The following RAB11FIP3 variants were observed in gnomAD, a reference collection of about 807,000 sequenced individuals.
The protein encoded by RAB11FIP3 is rab11 family-interacting protein 3.
Under a neutral mutation model 77.8 loss-of-function variants are expected in RAB11FIP3, and 17 were observed. That is an observed-to-expected ratio of 0.22 (90% confidence interval 0.15 to 0.33). The LOEUF is 0.33. Ranked by LOEUF, RAB11FIP3 falls within the 10% of genes least tolerant of loss-of-function variation. The probability of loss-of-function intolerance (pLI) is 1.00; values close to 1 mark genes in which losing one functional copy is unlikely to be tolerated. For synonymous variants in RAB11FIP3, 437 were observed against 448.2 expected (o/e 0.98, Z 0.31); for missense variants, 1,005 against 1,011.2 (o/e 0.99, Z 0.08).
Position 520,876 on chromosome 16 carries a change from C to T in RAB11FIP3, c.*37C>T. On this transcript the variant is annotated 3_prime_UTR_variant, in exon 14 of 14. Transcript: ENST00000262305. ...TCCAGCCTGAGCTGGATTCGGGACT[C>T]CAACACCCTGGAGTGGTTCCGTCAG... 6.4e-7 allele frequency: 1 copy of T among 1,553,080 alleles called. No individual in the cohort carries two copies. The highest frequency in any genetic ancestry group is 8.9e-7 in the Non-Finnish European group (1 of 1,125,518).
intron 2 of RAB11FIP3, among the ~76,000 whole-genome samples, chr16:462,090 C>A (rs2141652284): frequency 6.6e-6 from 1 of 152,376 alleles, no homozygotes; most frequent in East Asian, 1.9e-4. Flanking sequence ...AGTCCTGTGC[C>A]TGGCAGTGCG....
rs368992105 is a variant in RAB11FIP3, at chr16:451,841, A to C, written c.715-9563A>C. On this transcript the variant is annotated intron_variant, in intron 1 of 13. Transcript: ENST00000262305. Reference sequence around the variant, plus strand: ...CAGAGCAAGACTCTCTCTCAAAAACAAACAAAGGAAAAAAACAAACAAAAA... The same window carrying C: ...CAGAGCAAGACTCTCTCTCAAAAACCAACAAAGGAAAAAAACAAACAAAAA... 7.7e-4 allele frequency among the ~76,000 whole-genome samples: 116 copies of C among 151,074 alleles called. 2 individuals carry two copies. The South Asian group carries it at 0.023, about 30-fold the overall frequency.
At chr16:489,986 C>T (rs1026523467) in intron 5 of RAB11FIP3, among the ~76,000 whole-genome samples, 3 of 152,210 alleles carry the variant, frequency 2.0e-5, no homozygotes. Context: ...GCACTTTCCT[C>T]TCCCAGCGCG....
At chr16:502,973 T>A in intron 6 of RAB11FIP3, 31 bp from the exon 7 acceptor site, 1 of 1,543,550 alleles carries the variant, frequency 6.5e-7, no homozygotes, top group Non-Finnish European at 9.0e-7. Flanking sequence ...TTTTTCCCTT[T>A]CTTCCCTCTG....
Position 514,410 on chromosome 16 carries a change from G to C in RAB11FIP3, c.1640+3610G>C, listed in dbSNP as rs991605286. ...AGAGGATCTGGAGGCAGGACTCCCA[G>C]CACCTGCGTCGGAACCTCCTGGGAA... On this transcript the variant is annotated intron_variant, in intron 9 of 13. Transcript: ENST00000262305. The surrounding 1 kb of genome is among the most constrained non-coding windows in gnomAD (Gnocchi z 4.6). Among the ~76,000 whole-genome samples, 1 of 152,226 alleles carries C rather than the reference G, an allele frequency of 6.6e-6. No homozygotes were observed. Among genetic ancestry groups the C allele is most frequent in the African/African-American group, 2.4e-5 (1 of 41,452 alleles).
chr16:461,358 C>G lies in RAB11FIP3; in HGVS notation c.715-46C>G. The G allele has an allele frequency of 1.3e-6, 2 of 1,529,664 alleles. No individual in the cohort carries two copies. Among genetic ancestry groups the G allele is most frequent in the Non-Finnish European group, 1.8e-6 (2 of 1,113,470 alleles). The allele number at this position is 1,529,664 out of a possible 1,614,324, so 94.8% of individuals were successfully genotyped here. On this transcript the variant is annotated intron_variant, in intron 1 of 13. Coordinates refer to ENST00000262305, the MANE Select transcript of RAB11FIP3 (RefSeq NM_014700.4). The surrounding 1 kb of genome is among the most constrained non-coding windows in gnomAD (Gnocchi z 4.5). ...GTCCGAGGTCCAGGGTTGGGGACCC[C>G]TGCTGTAAAGGCTTAGGGTAACCTA...
chr16:491,048 C>A, intron 5 of RAB11FIP3: 1 of 1,171,300 alleles, frequency 8.5e-7, no homozygotes, highest in Non-Finnish European at 1.1e-6. Context: ...CATGTCCTGT[C>A]CTGTTCCCCT....
At chr16:439,936 T>G (rs1221356657) in intron 1 of RAB11FIP3, among the ~76,000 whole-genome samples, 3 of 151,838 alleles carry the variant, frequency 2.0e-5, no homozygotes, top group Non-Finnish European at 4.4e-5. Context: ...CTCTGCCTCC[T>G]GGTTTCAAGC....
intron 10 of RAB11FIP3, chr16:519,243 T>C (rs756038582): frequency 1.8e-6 from 1 of 565,062 alleles, no homozygotes; most frequent in Non-Finnish European, 3.1e-6. Context: ...CCCAGGGCTC[T>C]GAATCTGGGA....
chr16:508,591 G>A (rs1054273891), intron 8 of RAB11FIP3, among the ~76,000 whole-genome samples: 1 of 152,062 alleles, frequency 6.6e-6, no homozygotes, highest in African/African-American at 2.4e-5. Context: ...CCAGGCCGGT[G>A]TTGAACTCCT....
At chr16:489,093 G>C (rs74390230) in intron 5 of RAB11FIP3, 93 bp downstream of exon 5, 675,238 of 1,404,480 alleles carry the variant, frequency 0.48, 168,668 homozygotes, top group Middle Eastern at 0.58. Flanking sequence ...ATTGGTGAGA[G>C]AACTTGCTTT....
chr16:468,271 TCAGGGAGGAGGTGCAGGGGC>T, intron 2 of RAB11FIP3, among the ~76,000 whole-genome samples: 1 of 138,146 alleles, frequency 7.2e-6, no homozygotes, highest in Non-Finnish European at 1.6e-5. Flanking sequence ...TGCAGGGAAG[TCAGGGAGGAGGTGCAGGGGC>T]GTCAGGGAGG....
At chr16:445,354 G>A (rs1388117516) in intron 1 of RAB11FIP3, among the ~76,000 whole-genome samples, 3 of 150,992 alleles carry the variant, frequency 2.0e-5, no homozygotes, top group Non-Finnish European at 4.4e-5. Context: ...CACGAGAATC[G>A]CTTGAACCCA....
intron 9 of RAB11FIP3, among the ~76,000 whole-genome samples, chr16:511,930 G>A (rs186969442): frequency 5.0e-3 from 556 of 111,106 alleles, no homozygotes; most frequent in African/African-American, 0.018. Context: ...GAAGTTCCCC[G>A]ACGGCCCGCC....
chr16:470,318 A>T (rs2055786448), intron 2 of RAB11FIP3, among the ~76,000 whole-genome samples: 1 of 151,984 alleles, frequency 6.6e-6, no homozygotes, highest in African/African-American at 2.4e-5. Context: ...ATTTTTGTGG[A>T]GATGGGGTTT....
At chr16:475,093 C>A (rs2055877882) in intron 3 of RAB11FIP3, 1 of 1,551,380 alleles carries the variant, frequency 6.4e-7, no homozygotes, top group Non-Finnish European at 8.7e-7. Context: ...GGGCCAGCAT[C>A]TGAGGGTAAG....
rs545124788 is a variant in RAB11FIP3 at position 487,557 on chromosome 16, C to T, written c.1116-1294C>T. ...CACAGTGGGTCCGGGCGGAGCAGAGCGCGCGGTCCTCCTGACTCTGCCCCC... is the reference window on the plus strand; with the variant it reads ...CACAGTGGGTCCGGGCGGAGCAGAGTGCGCGGTCCTCCTGACTCTGCCCCC... On this transcript the variant is annotated intron_variant, in intron 4 of 13. Transcript: ENST00000262305. Among the ~76,000 whole-genome samples the T allele has an allele frequency of 1.1e-4, 16 of 152,314 alleles. No homozygotes were observed. The South Asian group carries it at 1.7e-3, about 16-fold the overall frequency.
At chr16:484,492 C>T (rs1323331676) in intron 4 of RAB11FIP3, among the ~76,000 whole-genome samples, 1 of 152,172 alleles carries the variant, frequency 6.6e-6, no homozygotes, top group Non-Finnish European at 1.5e-5. Context: ...GCTGGGATTA[C>T]AGGCGCCCGC....
At chr16:520,076 C>A (rs1469326019) in intron 11 of RAB11FIP3, 46 bp from the exon 12 acceptor site, 1 of 1,539,406 alleles carries the variant, frequency 6.5e-7, no homozygotes, top group East Asian at 2.5e-5. Flanking sequence ...TGACGGTGGC[C>A]CCTGGGAGCC....
Sources: allele counts gnomAD v4.1 joint callset (sites outside exome capture counted in the v4.1 genomes callset), GRCh38; gene constraint gnomAD v4.1.1; non-coding constraint Gnocchi (gnomAD v3.1); transcripts MANE v1.5; gene names NCBI Gene and HGNC (gene_info 2026-07-23, HGNC 2026-07-21).